Variants in EVI5 observed in about 807,000 individuals in gnomAD.
The protein encoded by EVI5 is ecotropic viral integration site 5 protein homolog.
In EVI5, 73 loss-of-function variants were observed where a neutral mutation model predicts 112.0. The observed-to-expected ratio is 0.65, with a 90% CI of 0.54 to 0.79. The LOEUF is 0.79. Among genes scored for constraint, EVI5 ranks in the 30% least tolerant of loss-of-function variants. EVI5 has a pLI of 0.00. For synonymous variants in EVI5, 305 were observed against 319.9 expected, an observed-to-expected ratio of 0.95 and a Z score of 0.50; for missense variants, 900 against 968.8, an observed-to-expected ratio of 0.93 and a Z score of 0.94.
Position 92,607,741 on chromosome 1 carries a change from A to G in EVI5, c.1828-14T>C. 6.4e-7 allele frequency: 1 copy of G among 1,559,336 alleles called. No individual in the cohort carries two copies. On this transcript the variant is annotated splice_polypyrimidine_tract_variant and intron_variant, in intron 16 of 19. Transcript: ENST00000684568. Reference sequence around the variant, plus strand: ...ATTGATCTGGTTCTAATAATCAGAAATATAAATACTGAGACTATAGATACA... The same window carrying G: ...ATTGATCTGGTTCTAATAATCAGAAGTATAAATACTGAGACTATAGATACA...
At chr1:92,518,655 T>A (rs78691538) in intron 19 of EVI5, among the ~76,000 whole-genome samples, 4 of 145,500 alleles carry the variant, frequency 2.7e-5, no homozygotes, top group Admixed American at 1.4e-4. Flanking sequence ...AGGGATGCTT[T>A]AAAAAAAAAA....
chr1:92,685,149 T>C (rs891541709), intron 9 of EVI5, among the ~76,000 whole-genome samples: 2 of 151,984 alleles, frequency 1.3e-5, no homozygotes, highest in Non-Finnish European at 2.9e-5. Context: ...GACCACATAG[T>C]TGGAAGTAAA....
intron 18 of EVI5, among the ~76,000 whole-genome samples, chr1:92,579,821 G>A (rs1333808489): frequency 6.6e-6 from 1 of 152,118 alleles, no homozygotes; most frequent in African/African-American, 2.4e-5. Flanking sequence ...GTGAGCCCCC[G>A]TGCCCAACCT....
intron 2 of EVI5, among the ~76,000 whole-genome samples, chr1:92,724,567 G>C (rs1200688869): frequency 6.6e-6 from 1 of 152,058 alleles, no homozygotes; most frequent in Non-Finnish European, 1.5e-5. Context: ...CAACACCCTG[G>C]GAGGCCAAGG....
chr1:92,700,547 T>C (rs1271652772), intron 5 of EVI5, among the ~76,000 whole-genome samples: 1 of 152,216 alleles, frequency 6.6e-6, no homozygotes, highest in Non-Finnish European at 1.5e-5. Context: ...ATTACTCCAA[T>C]GGTGGTAATA....
chr1:92,565,752 T>C (rs1669337864), intron 18 of EVI5, among the ~76,000 whole-genome samples: 1 of 151,804 alleles, frequency 6.6e-6, no homozygotes, highest in Non-Finnish European at 1.5e-5. Flanking sequence ...GTGGATCACC[T>C]GAGGTCAGGA....
chr1:92,561,917 C>T (rs181204292), intron 19 of EVI5, among the ~76,000 whole-genome samples: 8 of 152,226 alleles, frequency 5.3e-5, no homozygotes, highest in Non-Finnish European at 1.2e-4. Context: ...GGATTATAGG[C>T]GTGCGCCCAC....
intron 1 of EVI5, among the ~76,000 whole-genome samples, chr1:92,776,039 C>T (rs1008341611): frequency 7.4e-5 from 11 of 148,192 alleles, no homozygotes; most frequent in Admixed American, 2.1e-4. Context: ...ACCCGGGAGG[C>T]GGAGGTTGCA....
chr1:92,741,040 C>T (rs1398993075), intron 1 of EVI5, among the ~76,000 whole-genome samples: 3 of 152,124 alleles, frequency 2.0e-5, no homozygotes, highest in Non-Finnish European at 2.9e-5. Context: ...GGAATATATC[C>T]GCAAACACTT....
intron 19 of EVI5, among the ~76,000 whole-genome samples, chr1:92,555,163 G>A (rs1257669920): frequency 6.6e-6 from 1 of 152,132 alleles, no homozygotes; most frequent in Non-Finnish European, 1.5e-5. Flanking sequence ...TTACTTGGTT[G>A]TATGAGATCC....
At chr1:92,718,746 G>A (rs923950237) in intron 2 of EVI5, among the ~76,000 whole-genome samples, 2 of 152,114 alleles carry the variant, frequency 1.3e-5, no homozygotes, top group African/African-American at 4.8e-5. Flanking sequence ...AAAAATCGGT[G>A]AATCCAGGAG....
intron 1 of EVI5, among the ~76,000 whole-genome samples, chr1:92,747,142 AT>A (rs147172718): frequency 0.026 from 3,967 of 152,098 alleles, 149 homozygotes; most frequent in African/African-American, 0.081. Flanking sequence ...AATAATACAG[AT>A]TTTTTTTAAA....
intron 19 of EVI5, among the ~76,000 whole-genome samples, chr1:92,544,198 G>C (rs1665301854): frequency 6.6e-6 from 1 of 152,186 alleles, no homozygotes; most frequent in South Asian, 2.1e-4. Context: ...GAAATAGGGA[G>C]TGACAAGCTA....
At chr1:92,570,085 A>G (rs1174440005) in intron 18 of EVI5, among the ~76,000 whole-genome samples, 1 of 152,110 alleles carries the variant, frequency 6.6e-6, no homozygotes, top group African/African-American at 2.4e-5. Context: ...AACAGGAAGA[A>G]TGTAGAAATA....
intron 19 of EVI5, among the ~76,000 whole-genome samples, chr1:92,529,673 A>G (rs949545407): frequency 1.3e-5 from 2 of 152,228 alleles, no homozygotes; most frequent in South Asian, 4.1e-4. Context: ...CATTTAGACA[A>G]TAATAGAAAG....
intron 13 of EVI5, among the ~76,000 whole-genome samples, chr1:92,648,280 G>A (rs1454227315): frequency 1.3e-5 from 2 of 149,236 alleles, no homozygotes; most frequent in African/African-American, 4.9e-5. Context: ...GGCTGAGGGA[G>A]GAGAATGGCG....
intron 10 of EVI5, among the ~76,000 whole-genome samples, chr1:92,668,270 T>C (rs1665270608): frequency 6.6e-6 from 1 of 152,216 alleles, no homozygotes; most frequent in Non-Finnish European, 1.5e-5. Context: ...GGAAAGTTAA[T>C]AACTAATCTC....
intron 13 of EVI5, among the ~76,000 whole-genome samples, chr1:92,639,164 C>A (rs1214519562): frequency 6.6e-6 from 1 of 152,148 alleles, no homozygotes; most frequent in Non-Finnish European, 1.5e-5. Flanking sequence ...GTGATACCAG[C>A]AATCCCATTC....
intron 2 of EVI5, among the ~76,000 whole-genome samples, chr1:92,730,003 T>C (rs1676187729): frequency 6.6e-6 from 1 of 151,918 alleles, no homozygotes; most frequent in Non-Finnish European, 1.5e-5. Flanking sequence ...AATGATCATT[T>C]CAGTAGAGGC....
Sources: gnomAD v4.1 joint callset for allele counts (sites outside exome capture counted in the v4.1 genomes callset) on GRCh38, gnomAD v4.1.1 for gene constraint, MANE v1.5 for transcripts, NCBI Gene and HGNC (gene_info 2026-07-23, HGNC 2026-07-21) for gene names.